Variants in GFM2 observed in about 807,000 individuals in gnomAD.
GFM2 encodes ribosome-releasing factor 2, mitochondrial.
In GFM2, 72 loss-of-function variants were observed where a neutral mutation model predicts 95.4. That is an observed-to-expected ratio of 0.76 (90% CI 0.62 to 0.92). GFM2 has a LOEUF of 0.92. Among genes scored for constraint, GFM2 ranks in the 40% least tolerant of loss-of-function variants. The pLI, the probability that GFM2 is intolerant of heterozygous loss-of-function variation, is 0.00. For synonymous variants in GFM2, 276 were observed against 317.5 expected, an observed-to-expected ratio of 0.87 and a Z score of 1.39; for missense variants, 825 against 924.1, an observed-to-expected ratio of 0.89 and a Z score of 1.39.
chr5:74,722,252 A>AAACTT lies in GFM2; in HGVS notation c.2211+122_2211+126dup, dbSNP rs70976129. The AAACTT allele has an allele frequency of 0.03, 24,322 of 804,588 alleles. 503 individuals carry two copies. Among genetic ancestry groups the AAACTT allele is most frequent in the Middle Eastern group, 0.036 (96 of 2,690 alleles). The allele number at this position is 804,588 out of a possible 1,614,324, so 49.8% of individuals were successfully genotyped here. On this transcript the variant is annotated intron_variant, in intron 20 of 20. Coordinates refer to ENST00000296805, the MANE Select transcript of GFM2 (RefSeq NM_032380.5). ...CTAACCATTCCTGCTGGTTGAAACG[A>AAACTT]AACTTAACATGTATTCTCTAAATCA...
chr5:74,731,407 G>A (rs1742554137), intron 16 of GFM2, among the ~76,000 whole-genome samples: 1 of 152,134 alleles, frequency 6.6e-6, no homozygotes, highest in African/African-American at 2.4e-5. Flanking sequence ...TCAACTACAT[G>A]GACAGTATGA....
intron 15 of GFM2, chr5:74,733,485 A>G (rs2096852551): frequency 6.5e-6 from 1 of 154,198 alleles, no homozygotes; most frequent in Non-Finnish European, 1.4e-5. Context: ...ACAAACTATA[A>G]GCAAAATCCT....
intron 17 of GFM2, among the ~76,000 whole-genome samples, chr5:74,730,000 A>G (rs1192066950): frequency 6.6e-6 from 1 of 152,200 alleles, no homozygotes; most frequent in Non-Finnish European, 1.5e-5. Context: ...CATCGACTTC[A>G]GTGGCTTACT....
intron 12 of GFM2, among the ~76,000 whole-genome samples, chr5:74,739,391 G>C (rs1447677010): frequency 2.0e-5 from 3 of 152,180 alleles, no homozygotes; most frequent in African/African-American, 7.2e-5. Flanking sequence ...GCATTTTATA[G>C]ATGAGATGTT....
chr5:74,722,632 A>C (rs1004496217), intron 19 of GFM2, 71 bp from the exon 20 acceptor site: 3 of 1,244,618 alleles, frequency 2.4e-6, no homozygotes, highest in African/African-American at 3.1e-5. Flanking sequence ...CCTAGAGCTC[A>C]TACAAAAAGA....
intron 16 of GFM2, among the ~76,000 whole-genome samples, chr5:74,731,579 A>C (rs1391785429): frequency 6.6e-6 from 1 of 152,142 alleles, no homozygotes; most frequent in Non-Finnish European, 1.5e-5. Flanking sequence ...GCTGATCCTA[A>C]TTTAAATCCT....
intron 17 of GFM2, among the ~76,000 whole-genome samples, chr5:74,727,672 TTA>T (rs1236218778): frequency 6.6e-6 from 1 of 152,220 alleles, no homozygotes; most frequent in African/African-American, 2.4e-5. Context: ...TCCTGTGTCC[TTA>T]TATACCCCCT....
intron 6 of GFM2, 85 bp from the exon 7 acceptor site, chr5:74,750,752 G>T: frequency 1.1e-6 from 1 of 938,076 alleles, no homozygotes; most frequent in Non-Finnish European, 1.7e-6. Context: ...CTCCTGGGGA[G>T]GGGTGTGTGT....
intron 17 of GFM2, among the ~76,000 whole-genome samples, chr5:74,727,642 CAG>C (rs945403558): frequency 1.3e-5 from 2 of 152,218 alleles, no homozygotes; most frequent in African/African-American, 4.8e-5. Flanking sequence ...ATTTGGCCAG[CAG>C]AGTCTCTTCA....
intron 10 of GFM2, 37 bp downstream of exon 10, chr5:74,745,641 C>T: frequency 6.6e-7 from 1 of 1,520,726 alleles, no homozygotes; most frequent in Non-Finnish European, 9.0e-7. Flanking sequence ...AAGTGGTGCA[C>T]ACATTGGTGT....
chr5:74,764,790 T>G (rs1297830322), intron 1 of GFM2, among the ~76,000 whole-genome samples: 12 of 140,574 alleles, frequency 8.5e-5, no homozygotes, highest in South Asian at 4.7e-4. Context: ...TTTTTTTTTT[T>G]TTTTTTTTTT....
In GFM2 at chr5:74,766,941, G is replaced by A. The variant is rs1022361532; in HGVS notation, c.-28C>T. 2 of 179,548 alleles carry A rather than the reference G, an allele frequency of 1.1e-5. No individual in the cohort carries two copies. Among genetic ancestry groups the A allele is most frequent in the Admixed American group, 5.7e-5 (1 of 17,414 alleles). 11.1% of individuals were successfully genotyped at this position (179,548 alleles called of 1,614,324 possible). On this transcript the variant is annotated 5_prime_UTR_variant, in exon 1 of 21. Coordinates refer to ENST00000296805, the MANE Select transcript of GFM2 (RefSeq NM_032380.5). ...CACAGCTCGGAGCAGTACTCACCTG[G>A]CATTAGGCCGCGTGCCGCAGGCCAG...
At chr5:74,752,692 A>G in intron 5 of GFM2, among the ~76,000 whole-genome samples, 1 of 152,356 alleles carries the variant, frequency 6.6e-6, no homozygotes, top group Non-Finnish European at 1.5e-5. Context: ...ATGATTATTC[A>G]TATGACTAAT....
intron 1 of GFM2, among the ~76,000 whole-genome samples, chr5:74,766,609 T>C (rs1305092887): frequency 6.6e-6 from 1 of 152,204 alleles, no homozygotes; most frequent in Non-Finnish European, 1.5e-5. Flanking sequence ...ATCAGTCCTG[T>C]ACCTCCAAAA....
chr5:74,750,703 T>A lies in GFM2; in HGVS notation c.431-36A>T. The A allele has an allele frequency of 3.4e-6, 5 of 1,463,884 alleles. No homozygotes were observed. In the South Asian group the frequency reaches 5.8e-5, roughly 17 times the overall value. 90.7% of individuals were successfully genotyped at this position (1,463,884 alleles called of 1,614,324 possible). ...GATAAGACGTATAATGCCTTCTTTT[T>A]AACAAAACCATCATATGATCCAGCA... On this transcript the variant is annotated intron_variant, in intron 6 of 20. Coordinates refer to ENST00000296805, the MANE Select transcript of GFM2 (RefSeq NM_032380.5).
intron 1 of GFM2, among the ~76,000 whole-genome samples, chr5:74,764,778 G>GTTTTTTTT (rs757160377): frequency 3.5e-4 from 25 of 70,502 alleles, no homozygotes; most frequent in South Asian, 1.1e-3. Context: ...TCCCTTTGTT[G>GTTTTTTTT]TTTTTTTTTT....
At chr5:74,757,293 G>A (rs1475487987) in intron 5 of GFM2, among the ~76,000 whole-genome samples, 1 of 151,988 alleles carries the variant, frequency 6.6e-6, no homozygotes, top group Non-Finnish European at 1.5e-5. Context: ...ATAAGATTGT[G>A]TACATGTCTA....
Position 74,722,452 on chromosome 5 carries a change from C to T in GFM2, c.2138G>A (p.Gly713Glu). The T allele has an allele frequency of 6.2e-7, 1 of 1,614,016 alleles. No individual in the cohort carries two copies. The highest frequency in any genetic ancestry group is 8.5e-7 in the Non-Finnish European group (1 of 1,179,928). Residue 713 changes from glycine (G) to glutamate (E), a missense_variant, in exon 20 of 21, where the codon GGA becomes GAA. Coordinates refer to ENST00000296805, the MANE Select transcript of GFM2 (RefSeq NM_032380.5). ...PVLADLAQRR[G>E]NIQEIQTRQD... ...GCGAGTCTGAATTTCCTGAATGTTT[C>T]CTCTTCTTTGTGCCAGATCTGCCAG... is the stretch of plus-strand genomic sequence containing the variant.
intron 10 of GFM2, 121 bp downstream of exon 10, chr5:74,745,557 G>T: frequency 1.5e-6 from 1 of 663,062 alleles, no homozygotes; most frequent in Non-Finnish European, 2.5e-6. Context: ...TTGAGCATCT[G>T]CAGATTTTGG....
Sources: gnomAD v4.1 joint callset for allele counts (sites outside exome capture counted in the v4.1 genomes callset) on GRCh38, gnomAD v4.1.1 for gene constraint, MANE v1.5 for transcripts, NCBI Gene and HGNC (gene_info 2026-07-23, HGNC 2026-07-21) for gene names.